Variants in SAFB observed in about 807,000 individuals in gnomAD.
The protein encoded by SAFB is scaffold attachment factor B1.
Under a neutral mutation model 101.6 loss-of-function variants are expected in SAFB, and 15 were observed. The ratio of observed to expected loss-of-function variants is 0.15; its 90% CI spans 0.10 to 0.23. The LOEUF (loss-of-function observed/expected upper bound fraction) is 0.23. SAFB is among the 10% of genes least tolerant of loss of function. The pLI is 1.00. For missense variants in SAFB, 930 were observed against 1,104.1 expected, an observed-to-expected ratio of 0.84 and a Z score of 2.23; for synonymous variants, 449 against 407.5, an observed-to-expected ratio of 1.10 and a Z score of -1.23.
intron 9 of SAFB, 141 bp downstream of exon 9, chr19:5,651,213 G>A (rs778945112): frequency 1.3e-5 from 7 of 557,348 alleles, no homozygotes; most frequent in South Asian, 5.3e-5. Context: ...GGGTCTGCCC[G>A]TCCACAGGTA....
Position 5,638,120 on chromosome 19 carries a change from G to T in SAFB, c.275-3474G>T, listed in dbSNP as rs190187272. ...TATAAATACTGCTGTTTGGATGAAG[G>T]TGCCAGCATGCCTGCCCTTGTGAAC... On this transcript the variant is annotated intron_variant, in intron 2 of 20. Transcript: ENST00000588852. Among the ~76,000 whole-genome samples the T allele has an allele frequency of 3.5e-4, 53 of 152,182 alleles. 2 individuals are homozygous for T. The Middle Eastern group carries it at 0.024, about 68-fold the overall frequency.
In SAFB at chr19:5,667,768, G is replaced by A. The variant is rs1287604281; in HGVS notation, c.2558-52G>A. 1 of 1,586,078 alleles carries A rather than the reference G, an allele frequency of 6.3e-7. No individual in the cohort carries two copies. Among genetic ancestry groups the A allele is most frequent in the Non-Finnish European group, 8.7e-7 (1 of 1,155,338 alleles). ...GTGGAGTGGGCTAAATGTGCCGTGG[G>A]TTCCACGCCGTGTGCGCAAGTTCCC... is the stretch of plus-strand genomic sequence containing the variant. On this transcript the variant is annotated intron_variant, in intron 19 of 20. Transcript: ENST00000588852. The surrounding 1 kb of genome is among the most constrained non-coding windows in gnomAD (Gnocchi z 4.0).
At chr19:5,628,924 T>C (rs1284035731) in intron 2 of SAFB, among the ~76,000 whole-genome samples, 1 of 152,194 alleles carries the variant, frequency 6.6e-6, no homozygotes, top group African/African-American at 2.4e-5. Flanking sequence ...TACTACAGGC[T>C]TTTGTTGCTG....
intron 20 of SAFB, 57 bp from the exon 21 acceptor site, chr19:5,668,105 G>A (rs2145504983): frequency 6.3e-7 from 1 of 1,585,618 alleles, no homozygotes; most frequent in Non-Finnish European, 8.6e-7. Flanking sequence ...GTGCAGGCTG[G>A]GATGGGCCGG....
chr19:5,656,774 A>T (rs1348838429), intron 13 of SAFB, among the ~76,000 whole-genome samples: 1 of 151,058 alleles, frequency 6.6e-6, no homozygotes, highest in South Asian at 2.1e-4. Flanking sequence ...ATTTATTTTT[A>T]TTTATTTATT....
intron 13 of SAFB, among the ~76,000 whole-genome samples, chr19:5,655,459 CAA>C (rs56999816): frequency 0.1 from 5,754 of 54,984 alleles, 185 homozygotes; most frequent in African/African-American, 0.22. Flanking sequence ...GACCCCATCT[CAA>C]AAAAAAAAAA....
At chr19:5,650,058 C>A in intron 8 of SAFB, 83 bp downstream of exon 8, 1 of 1,065,828 alleles carries the variant, frequency 9.4e-7, no homozygotes, top group Non-Finnish European at 1.5e-6. Flanking sequence ...TCATCGCGTG[C>A]TATGCTCCTT....
chr19:5,624,666 T>C (rs1029602572), intron 1 of SAFB, among the ~76,000 whole-genome samples: 8 of 151,108 alleles, frequency 5.3e-5, no homozygotes, highest in African/African-American at 1.7e-4. Context: ...TATTATTAAT[T>C]GGTGATGAGA....
intron 15 of SAFB, 42 bp downstream of exon 15, chr19:5,661,850 T>C (rs765346814): frequency 1.6e-5 from 22 of 1,372,902 alleles, no homozygotes; most frequent in Non-Finnish European, 2.0e-5. Context: ...GCGTTCAGAA[T>C]CGTGTTAGGG....
intron 2 of SAFB, 88 bp from the exon 3 acceptor site, chr19:5,641,506 A>C: frequency 9.4e-7 from 1 of 1,062,174 alleles, no homozygotes; most frequent in South Asian, 1.4e-5. Flanking sequence ...ATGTTTATAA[A>C]GTGACCACTT....
At chr19:5,640,467 G>C (rs558623571) in intron 2 of SAFB, among the ~76,000 whole-genome samples, 4 of 144,396 alleles carry the variant, frequency 2.8e-5, no homozygotes, top group Non-Finnish European at 6.0e-5. Flanking sequence ...CCGGATTCAA[G>C]CGATTCTCCT....
chr19:5,627,331 G>A (rs1029119784), intron 2 of SAFB, among the ~76,000 whole-genome samples: 2 of 151,910 alleles, frequency 1.3e-5, no homozygotes, highest in African/African-American at 4.8e-5. Context: ...GTACCTAGGC[G>A]TCGAGGCACG....
intron 9 of SAFB, among the ~76,000 whole-genome samples, chr19:5,652,369 G>A (rs1363696651): frequency 6.6e-6 from 1 of 152,168 alleles, no homozygotes; most frequent in Non-Finnish European, 1.5e-5. Flanking sequence ...TGCTCAGTGG[G>A]GAAGTGTTGC....
chr19:5,650,115 C>T (rs1486443078), intron 8 of SAFB, 140 bp downstream of exon 8: 3 of 668,882 alleles, frequency 4.5e-6, no homozygotes, highest in Non-Finnish European at 7.9e-6. Flanking sequence ...TCCTTCTCTG[C>T]TGTTACCGCT....
chr19:5,654,573 A>G, intron 13 of SAFB, 117 bp downstream of exon 13: 1 of 738,972 alleles, frequency 1.4e-6, no homozygotes, highest in Non-Finnish European at 2.4e-6. Flanking sequence ...GCCGTTTCGA[A>G]AATGTAGAAA....
chr19:5,660,927 T>C (rs918770005), intron 14 of SAFB, among the ~76,000 whole-genome samples: 1 of 144,146 alleles, frequency 6.9e-6, no homozygotes, highest in Non-Finnish European at 1.5e-5. Flanking sequence ...ATGAAGCATA[T>C]ACTCTGTGGC....
intron 2 of SAFB, among the ~76,000 whole-genome samples, chr19:5,634,936 G>A (rs954582878): frequency 6.6e-6 from 1 of 152,086 alleles, no homozygotes; most frequent in African/African-American, 2.4e-5. Context: ...TAAAGAGTTT[G>A]AGACCAGCCT....
At chr19:5,631,781 C>G (rs1171685693) in intron 2 of SAFB, among the ~76,000 whole-genome samples, 1 of 152,158 alleles carries the variant, frequency 6.6e-6, no homozygotes, top group Non-Finnish European at 1.5e-5. Context: ...CGAGATGGCT[C>G]TCGTCTGTAA....
intron 2 of SAFB, among the ~76,000 whole-genome samples, chr19:5,638,714 C>CTTTTT (rs758543978): frequency 8.6e-6 from 1 of 116,356 alleles, no homozygotes; most frequent in Non-Finnish European, 1.8e-5. Context: ...TAATCTTAGT[C>CTTTTT]TTTTTTTTTT....
Sources: gnomAD v4.1 joint callset for allele counts (sites outside exome capture counted in the v4.1 genomes callset) on GRCh38, gnomAD v4.1.1 for gene constraint, Gnocchi (gnomAD v3.1) non-coding constraint, MANE v1.5 for transcripts, NCBI Gene and HGNC (gene_info 2026-07-23, HGNC 2026-07-21) for gene names.